FRMD4B: variants seen among roughly 807,000 people sequenced by gnomAD.
FRMD4B encodes the protein FERM domain-containing protein 4B.
FRMD4B carries 74 observed loss-of-function variants against 141.5 expected under a neutral mutation model. The observed-to-expected ratio is 0.52, with a 90% confidence interval of 0.43 to 0.63. FRMD4B has a LOEUF of 0.63. FRMD4B is among the 30% of genes least tolerant of loss of function. FRMD4B has a pLI of 0.00. For synonymous variants in FRMD4B, 506 were observed against 467.9 expected, an observed-to-expected ratio of 1.08 and a Z score of -1.05; for missense variants, 1,366 against 1,253.4, an observed-to-expected ratio of 1.09 and a Z score of -1.36.
chr3:69,460,909 G>A (rs1344087578), intron 1 of FRMD4B, among the ~76,000 whole-genome samples: 1 of 152,188 alleles, frequency 6.6e-6, no homozygotes, highest in African/African-American at 2.4e-5. Context: ...TCTAATTGGA[G>A]CTGAGATTCT....
chr3:69,274,288 G>T (rs1274051568), intron 5 of FRMD4B, among the ~76,000 whole-genome samples: 1 of 152,086 alleles, frequency 6.6e-6, no homozygotes, highest in Non-Finnish European at 1.5e-5. Context: ...CATTGAGGTA[G>T]AAACTTCTTA....
At chr3:69,293,019 A>G (rs544526027) in intron 4 of FRMD4B, 21 of 454,274 alleles carry the variant, frequency 4.6e-5, no homozygotes, top group African/African-American at 4.2e-4. Context: ...TTGCTCAGGA[A>G]GGTTTTGTCA....
intron 1 of FRMD4B, among the ~76,000 whole-genome samples, chr3:69,510,403 T>C (rs558663797): frequency 2.0e-5 from 3 of 152,330 alleles, no homozygotes; most frequent in African/African-American, 7.2e-5. Flanking sequence ...ATTCTTCTCC[T>C]TGATAATGAA....
chr3:69,212,131 A>T (rs6549188), intron 11 of FRMD4B, among the ~76,000 whole-genome samples: 1 of 151,132 alleles, frequency 6.6e-6, no homozygotes, highest in Non-Finnish European at 1.5e-5. Flanking sequence ...GGCCCGAGGC[A>T]GGTGGATTGC....
intron 2 of FRMD4B, among the ~76,000 whole-genome samples, chr3:69,410,578 C>G (rs1704736589): frequency 6.6e-6 from 1 of 151,462 alleles, no homozygotes. Context: ...TCTGATGGCA[C>G]AGGCATGGCC....
intron 4 of FRMD4B, among the ~76,000 whole-genome samples, chr3:69,288,158 T>C (rs1404595455): frequency 2.0e-5 from 3 of 152,240 alleles, no homozygotes; most frequent in Non-Finnish European, 4.4e-5. Context: ...TGGGAGTTCA[T>C]AATACCTCAG....
chr3:69,242,694 G>GAAAA (rs200579533), intron 7 of FRMD4B, among the ~76,000 whole-genome samples: 1 of 145,278 alleles, frequency 6.9e-6, no homozygotes, highest in African/African-American at 2.6e-5. Flanking sequence ...CAAAATCTTA[G>GAAAA]GAAAAAAAAA....
intron 2 of FRMD4B, among the ~76,000 whole-genome samples, chr3:69,423,455 G>A (rs1308704372): frequency 2.6e-5 from 4 of 152,168 alleles, no homozygotes; most frequent in African/African-American, 9.7e-5. Context: ...AGGTACACAC[G>A]TCCCTTTCAG....
chr3:69,404,330 G>T lies in FRMD4B; in HGVS notation c.-1+28304C>A, dbSNP rs898196706. On this transcript the variant is annotated intron_variant, in intron 2 of 5. Transcript: ENST00000459638. ...AAAATAAAATTAAATAAATGCACAG[G>T]CTTTCTGATCCAGAGGATTCTTTCA... Among the ~76,000 whole-genome samples, 100 of 152,246 alleles carry T rather than the reference G, an allele frequency of 6.6e-4. 2 individuals carry two copies. Among genetic ancestry groups the T allele is most frequent in the African/African-American group, 2.3e-3 (97 of 41,538 alleles).
At position 69,302,333 on chromosome 3, in the gene FRMD4B, G is replaced by A; in HGVS notation, c.416+10C>T. The A allele has an allele frequency of 6.7e-7, 1 of 1,489,880 alleles. No individual in the cohort carries two copies. The highest frequency in any genetic ancestry group is 9.3e-7 in the Non-Finnish European group (1 of 1,069,868). 92.3% of individuals were successfully genotyped at this position (1,489,880 alleles called of 1,614,324 possible). A position where few individuals can be genotyped will look rare whatever the true frequency, so the allele number is the denominator to read the frequency against. ...AAAGAGGGATGCTAACTGGGTCTGT[G>A]GATACATACCTCACAGCAAAGTGCA... On this transcript the variant is annotated intron_variant, in intron 4 of 22. Transcript: ENST00000398540.
chr3:69,484,887 A>G (rs1256156053), intron 1 of FRMD4B, among the ~76,000 whole-genome samples: 1 of 152,104 alleles, frequency 6.6e-6, no homozygotes, highest in Non-Finnish European at 1.5e-5. Context: ...AGGCCCAGGA[A>G]AAAGCACCAT....
chr3:69,335,078 G>A (rs1433831688), intron 1 of FRMD4B, among the ~76,000 whole-genome samples: 1 of 152,216 alleles, frequency 6.6e-6, no homozygotes, highest in Non-Finnish European at 1.5e-5. Context: ...GAGCCCAGGA[G>A]TTTGAGGCTG....
intron 1 of FRMD4B, among the ~76,000 whole-genome samples, chr3:69,506,560 G>C (rs554122566): frequency 6.6e-6 from 1 of 151,504 alleles, no homozygotes; most frequent in Admixed American, 6.6e-5. Context: ...TTTTGAGACA[G>C]GATCTCGTTT....
At chr3:69,226,427 T>TA (rs2093254925) in intron 7 of FRMD4B, among the ~76,000 whole-genome samples, 1 of 8,060 alleles carries the variant, frequency 1.2e-4, no homozygotes, top group African/African-American at 3.2e-4. Flanking sequence ...CACATTTACT[T>TA]TTTTTTTTTT....
chr3:69,288,702 CTTGA>C (rs1179497290), intron 4 of FRMD4B, among the ~76,000 whole-genome samples: 1 of 152,152 alleles, frequency 6.6e-6, no homozygotes, highest in Admixed American at 6.5e-5. Context: ...TGGAGCATTG[CTTGA>C]TTAATAATCA....
rs376704198 is a variant in FRMD4B at position 69,472,219 on chromosome 3, T to C, written c.-128-39458A>G. 143 of 301,418 alleles carry C rather than the reference T, an allele frequency of 4.7e-4. No homozygotes were observed. The Middle Eastern group carries it at 7.8e-3, about 17-fold the overall frequency. 18.7% of individuals were successfully genotyped at this position (301,418 alleles called of 1,614,324 possible). ...AGCATTTACAGAGCTGAAGATCTTG[T>C]GACTAAAATGAGAGACTGTGAGTTC... On this transcript the variant is annotated intron_variant, in intron 1 of 5. Coordinates refer to the FRMD4B transcript ENST00000459638.
intron 1 of FRMD4B, among the ~76,000 whole-genome samples, chr3:69,519,160 CA>C (rs1274774719): frequency 1.3e-5 from 2 of 152,054 alleles, no homozygotes; most frequent in African/African-American, 2.4e-5. Flanking sequence ...TTCTTAGAAT[CA>C]AAAAGTATTA....
chr3:69,326,770 T>C (rs1702205347), intron 1 of FRMD4B, among the ~76,000 whole-genome samples: 1 of 152,226 alleles, frequency 6.6e-6, no homozygotes, highest in Non-Finnish European at 1.5e-5. Context: ...AGCAAGATTC[T>C]CTTTATATTC....
At chr3:69,455,926 C>G (rs72933511) in intron 1 of FRMD4B, among the ~76,000 whole-genome samples, 3,805 of 152,298 alleles carry the variant, frequency 0.025, 125 homozygotes, top group East Asian at 0.08. Flanking sequence ...TTTGTAGCTT[C>G]TCAGTTCCAT....
Sources: gnomAD v4.1 joint callset for allele counts (sites outside exome capture counted in the v4.1 genomes callset) on GRCh38, gnomAD v4.1.1 for gene constraint, MANE v1.5 for transcripts, NCBI Gene and HGNC (gene_info 2026-07-23, HGNC 2026-07-21) for gene names.